The following L1TD1 variants were observed in gnomAD, a reference collection of about 807,000 sequenced individuals.
The protein encoded by L1TD1 is LINE1 type transposase domain containing 1, also known as LINE-1 type transposase domain-containing protein 1.
L1TD1 carries 26 observed loss-of-function variants against 25.7 expected under a neutral mutation model. The ratio of observed to expected loss-of-function variants is 1.01; its 90% CI spans 0.74 to 1.40. The LOEUF is 1.40. Ranked by LOEUF, L1TD1 falls within the 40% of genes most tolerant of loss-of-function variation. The pLI is 0.00. For missense variants in L1TD1, 1,130 were observed against 975.0 expected, an observed-to-expected ratio of 1.16 and a Z score of -2.12; for synonymous variants, 421 against 335.6, an observed-to-expected ratio of 1.25 and a Z score of -2.78.
At chr1:62,202,281 C>G (rs1670653209) in intron 2 of L1TD1, among the ~76,000 whole-genome samples, 1 of 148,160 alleles carries the variant, frequency 6.7e-6, no homozygotes, top group Admixed American at 6.7e-5. Context: ...GCCTGGACAA[C>G]AAGAGTGAAA....
Position 62,211,147 on chromosome 1 carries a change from G to T in L1TD1, c.2373G>T (p.Arg791Ser). 1.3e-6 allele frequency: 2 copies of T among 1,550,182 alleles called. No individual in the cohort carries two copies. Among genetic ancestry groups the T allele is most frequent in the Non-Finnish European group, 1.7e-6 (2 of 1,146,642 alleles). Residue 791 changes from arginine (R) to serine (S), a missense_variant, in exon 4 of 4, where the codon AGG (arginine) becomes AGT (serine). Transcript: ENST00000498273. ...REITYQGTRI[R>S]LTADLSLDTL... Reference sequence around the variant, plus strand: ...TTACCTACCAAGGAACAAGAATCAGGTTGACAGCAGACTTATCACTGGACA... The same window carrying T: ...TTACCTACCAAGGAACAAGAATCAGTTTGACAGCAGACTTATCACTGGACA...
At chr1:62,202,840 C>T (rs1274912638) in intron 2 of L1TD1, among the ~76,000 whole-genome samples, 3 of 151,870 alleles carry the variant, frequency 2.0e-5, no homozygotes, top group Non-Finnish European at 1.5e-5. Context: ...CCCACCACCA[C>T]GCCCAGCTAA....
rs1480439649 is a variant in L1TD1 at position 62,211,227 on chromosome 1, G to A, written c.2453G>A (p.Gly818Asp). Residue 818 changes from glycine (G) to aspartate (D), a missense_variant, in exon 4 of 4, where the codon GGC becomes GAC. By Grantham distance (94) the Gly-to-Asp change is moderately conservative. Transcript: ENST00000498273. ...SNVFKVLLEK[G>D]FNPRILYPAK... ...GTCTTCAAAGTTCTGCTGGAAAAAG[G>A]CTTTAATCCTAGAATCCTATATCCA... The A allele has an allele frequency of 6.4e-7, 1 of 1,566,468 alleles. No individual in the cohort carries two copies. The highest frequency in any genetic ancestry group is 2.4e-5 in the East Asian group (1 of 42,278).
Position 62,210,634 on chromosome 1 carries a change from T to C in L1TD1, c.1860T>C (p.Ser620=), listed in dbSNP as rs2149102824. The change falls in exon 4 of 4, where the codon AGT becomes AGC. Residue 620 remains serine, a synonymous_variant. Transcript: ENST00000498273. ...AAACAGAAGAAAACTTGAGAAGTAG[T>C]GTGATTAATAGCATCAGAGAGATAA... ...TEETEENLRS[S]VINSIREIKE... The C allele has an allele frequency of 1.3e-6, 2 of 1,588,114 alleles. No homozygotes were observed. The highest frequency in any genetic ancestry group is 2.7e-5 in the African/African-American group (2 of 73,930).
Position 62,207,304 on chromosome 1 carries a change from GT to G in L1TD1, c.680del (p.Leu227Ter). 6.4e-7 allele frequency: 1 copy of G among 1,550,688 alleles called. No homozygotes were observed. ...KFQKLKNKEEVLKASREEKVL... is the reference protein window; with the variant it reads ...KFQKLKNKEEXLKASREEKVL... ...TCAGAAATTGAAGAATAAAGAGGAG[GT>G]TTTAAAAGCCTCCAGAGAAGAAAAA... On this transcript the variant is annotated frameshift_variant, in exon 3 of 4. Coordinates refer to ENST00000498273, the MANE Select transcript of L1TD1 (RefSeq NM_019079.5). LOFTEE classifies it high-confidence loss of function.
chr1:62,201,467 A>G (rs2149098989), intron 2 of L1TD1, among the ~76,000 whole-genome samples: 4 of 146,904 alleles, frequency 2.7e-5, no homozygotes, highest in African/African-American at 1.0e-4. Flanking sequence ...CTGCACTCCA[A>G]CCTCGGCGAG....
intron 2 of L1TD1, among the ~76,000 whole-genome samples, chr1:62,205,389 T>TTCTC (rs1194912722): frequency 1.0e-4 from 6 of 60,298 alleles, no homozygotes; most frequent in Admixed American, 4.7e-4. Context: ...CTCTCTCTCT[T>TTCTC]TCTCTCTCTC....
At position 62,205,370 on chromosome 1, in the gene L1TD1, T is replaced by C. The variant is rs1430299823; in HGVS notation, c.-110-1149T>C. 2.4e-3 allele frequency among the ~76,000 whole-genome samples: 233 copies of C among 96,358 alleles called. 3 individuals are homozygous for C. The highest frequency in any genetic ancestry group is 8.6e-3 in the African/African-American group (224 of 26,024). The allele number at this position is 96,358 out of a possible 152,430, so 63.2% of individuals were successfully genotyped here. Reference sequence around the variant, plus strand: ...AACAAAATAAAACCAACGAAAACTCTCTTTCTCTCTCTCTCTCTTTCTCTC... The same window carrying C: ...AACAAAATAAAACCAACGAAAACTCCCTTTCTCTCTCTCTCTCTTTCTCTC... On this transcript the variant is annotated intron_variant, in intron 2 of 3. Transcript: ENST00000498273.
intron 2 of L1TD1, among the ~76,000 whole-genome samples, chr1:62,203,243 T>C (rs1377083379): frequency 7.5e-6 from 1 of 132,774 alleles, no homozygotes; most frequent in Non-Finnish European, 1.8e-5. Context: ...CTCAAACATT[T>C]ATCATTTCTT....
chr1:62,204,150 T>C (rs1371341215), intron 2 of L1TD1, among the ~76,000 whole-genome samples: 1 of 152,240 alleles, frequency 6.6e-6, no homozygotes, highest in Non-Finnish European at 1.5e-5. Context: ...TCTGTAGTTG[T>C]GTCCCCTTGT....
Position 62,199,464 on chromosome 1 carries a change from C to T in L1TD1, c.-111+2936C>T, listed in dbSNP as rs112723476. ...AGTGAGCCAAGATTGTGCCACTGCACTCCAGCCTAATCCACAGAGTGAGAC... is the reference window on the plus strand; with the variant it reads ...AGTGAGCCAAGATTGTGCCACTGCATTCCAGCCTAATCCACAGAGTGAGAC... On this transcript the variant is annotated intron_variant, in intron 2 of 3. Transcript: ENST00000498273. 4.2e-3 allele frequency among the ~76,000 whole-genome samples: 629 copies of T among 149,476 alleles called. 6 individuals are homozygous for T. The highest frequency in any genetic ancestry group is 0.015 in the African/African-American group (596 of 40,554).
intron 2 of L1TD1, among the ~76,000 whole-genome samples, chr1:62,200,514 T>C (rs1032398807): frequency 6.6e-6 from 1 of 151,724 alleles, no homozygotes; most frequent in Non-Finnish European, 1.5e-5. Context: ...AATGTATTTA[T>C]GTACTTATAT....
rs1297750882 is a variant in L1TD1, at chr1:62,205,439, A to ATTTTTTTTTT, written c.-110-1079_-110-1078insTTTTTTTTTT. Among the ~76,000 whole-genome samples the ATTTTTTTTTT allele has an allele frequency of 1.5e-3, 66 of 44,102 alleles. 2 individuals are homozygous for ATTTTTTTTTT. Among genetic ancestry groups the ATTTTTTTTTT allele is most frequent in the African/African-American group, 3.8e-3 (44 of 11,586 alleles). 28.9% of individuals were successfully genotyped at this position (44,102 alleles called of 152,430 possible). A position where few individuals can be genotyped will look rare whatever the true frequency, so the allele number is the denominator to read the frequency against. On this transcript the variant is annotated intron_variant, in intron 2 of 3. Coordinates refer to ENST00000498273, the MANE Select transcript of L1TD1 (RefSeq NM_019079.5). ...TCTCTATATATATATATATATATATATATATTTTTTTTTAGACAGTCTTGC... is the reference window on the plus strand; with the variant it reads ...TCTCTATATATATATATATATATATATTTTTTTTTTTATATTTTTTTTTAGACAGTCTTGC...
chr1:62,194,901 G>T lies in L1TD1; in HGVS notation c.-225G>T, dbSNP rs1557437718. 1.3e-5 allele frequency: 2 copies of T among 152,458 alleles called. No homozygotes were observed. The highest frequency in any genetic ancestry group is 6.5e-5 in the Admixed American group (1 of 15,290). 9.4% of individuals were successfully genotyped at this position (152,458 alleles called of 1,614,324 possible). A position where few individuals can be genotyped will look rare whatever the true frequency, so the allele number is the denominator to read the frequency against. On this transcript the variant is annotated 5_prime_UTR_variant, in exon 1 of 4. It adds an upstream start codon to the 5' untranslated region. Coordinates refer to ENST00000498273, the MANE Select transcript of L1TD1 (RefSeq NM_019079.5). ...ACTTTGTTCGCTCCTCAGTCGTCCA[G>T]GCGGATTCCTTTTTCGCCAGGTAAG...
chr1:62,205,439 A>ATTTTTTTT (rs1297750882), intron 2 of L1TD1, among the ~76,000 whole-genome samples: 31 of 44,176 alleles, frequency 7.0e-4, no homozygotes, highest in Admixed American at 1.3e-3. Flanking sequence ...ATATATATAT[A>ATTTTTTTT]TATATTTTTT....
chr1:62,202,308 A>C (rs1027884990), intron 2 of L1TD1, among the ~76,000 whole-genome samples: 1 of 152,012 alleles, frequency 6.6e-6, no homozygotes, highest in African/African-American at 2.4e-5. Context: ...CTCAAAAAAA[A>C]AAAAAGGCTG....
chr1:62,208,481 C>CTTTT lies in L1TD1; in HGVS notation c.1008+858_1008+861dup, dbSNP rs60188410. 274 of 126,986 alleles carry CTTTT rather than the reference C, an allele frequency of 2.2e-3. 3 individuals are homozygous for CTTTT. Among genetic ancestry groups the CTTTT allele is most frequent in the Non-Finnish European group, 3.9e-3 (243 of 62,378 alleles). The allele number at this position is 126,986 out of a possible 1,614,324, so 7.9% of individuals were successfully genotyped here. A position where few individuals can be genotyped will look rare whatever the true frequency, so the allele number is the denominator to read the frequency against. On this transcript the variant is annotated intron_variant, in intron 3 of 3. Transcript: ENST00000498273. ...CCAATGGCTGCTGTGCTGGAAGGGG[C>CTTTT]TTTTTTTTTTTTTTTTGAGATAAAG...
intron 2 of L1TD1, among the ~76,000 whole-genome samples, chr1:62,197,503 T>A (rs892703123): frequency 6.6e-6 from 1 of 151,204 alleles, no homozygotes; most frequent in East Asian, 1.9e-4. Flanking sequence ...TTTTTTATTA[T>A]CTAAAAAAGT....
intron 2 of L1TD1, among the ~76,000 whole-genome samples, chr1:62,198,529 G>A (rs975499677): frequency 1.4e-5 from 2 of 144,894 alleles, no homozygotes; most frequent in Non-Finnish European, 3.0e-5. Flanking sequence ...CCCCGCCGCC[G>A]CCCCACCCCG....
Sources: allele counts gnomAD v4.1 joint callset (sites outside exome capture counted in the v4.1 genomes callset), GRCh38; gene constraint gnomAD v4.1.1; transcripts MANE v1.5; gene names NCBI Gene and HGNC (gene_info 2026-07-23, HGNC 2026-07-21).